Variants in RRN3 observed in about 807,000 individuals in gnomAD.
RRN3 encodes the protein RNA polymerase I transcription factor RRN3.
A neutral mutation model predicts 82.3 loss-of-function variants in RRN3; 38 were observed. That is an observed-to-expected ratio of 0.46 (90% CI 0.36 to 0.61). RRN3 has a LOEUF of 0.61. Ranked by LOEUF, RRN3 falls within the 20% of genes least tolerant of loss-of-function variation. The pLI is 0.00. For synonymous variants in RRN3, 284 were observed against 284.3 expected (o/e 1.00, Z 0.01); for missense variants, 726 against 793.1 (o/e 0.92, Z 1.02).
At chr16:15,084,991 G>C (rs1173662687) in intron 6 of RRN3, among the ~76,000 whole-genome samples, 1 of 149,992 alleles carries the variant, frequency 6.7e-6, no homozygotes, top group Non-Finnish European at 1.5e-5. Flanking sequence ...ACTTGAACCT[G>C]GGAGGTGAAG....
At chr16:15,088,006 C>T (rs1006315027) in intron 3 of RRN3, among the ~76,000 whole-genome samples, 1 of 151,888 alleles carries the variant, frequency 6.6e-6, no homozygotes. Flanking sequence ...CCCAGCTACT[C>T]GGGAGGCTGA....
At chr16:15,077,778 T>A (rs1266934884) in intron 9 of RRN3, among the ~76,000 whole-genome samples, 1 of 152,058 alleles carries the variant, frequency 6.6e-6, no homozygotes, top group Non-Finnish European at 1.5e-5. Context: ...GAGGTGGAGG[T>A]TGCAGTGAGC....
chr16:15,067,584 A>C (rs2045032049), intron 15 of RRN3, among the ~76,000 whole-genome samples: 1 of 149,868 alleles, frequency 6.7e-6, no homozygotes, highest in Non-Finnish European at 1.5e-5. Context: ...GTTTATTTCT[A>C]TTACTATTAC....
intron 9 of RRN3, among the ~76,000 whole-genome samples, chr16:15,077,153 A>AT (rs1162166195): frequency 6.6e-6 from 1 of 151,372 alleles, no homozygotes; most frequent in African/African-American, 2.4e-5. Flanking sequence ...CTAATTTTGT[A>AT]TTTTTAGTAG....
In RRN3 at chr16:15,092,505, T is replaced by G; in HGVS notation, c.195+4A>C. ...AGCAAACCTCACACATTATCTCCCC[T>G]TACCTTTTTGTACTTCAGCAAGACT... On this transcript the variant is annotated splice_donor_region_variant and intron_variant, in intron 2 of 17. Transcript: ENST00000198767. 1 of 1,597,322 alleles carries G rather than the reference T, an allele frequency of 6.3e-7. No homozygotes were observed.
At position 15,083,506 on chromosome 16, in the gene RRN3, T is replaced by A. The variant is rs921824754; in HGVS notation, c.666+7A>T. ...TCCATGATGTTCTCAATGAAAAGAT[T>A]TCTTACCAGTGTTCTCTCTGATTTT... is the stretch of plus-strand genomic sequence containing the variant. On this transcript the variant is annotated splice_region_variant and intron_variant, in intron 8 of 17. Coordinates refer to ENST00000198767, the MANE Select transcript of RRN3 (RefSeq NM_018427.5). 6.2e-7 allele frequency: 1 copy of A among 1,608,732 alleles called. No homozygotes were observed. The highest frequency in any genetic ancestry group is 1.3e-5 in the African/African-American group (1 of 74,650).
intron 9 of RRN3, among the ~76,000 whole-genome samples, chr16:15,079,642 G>C (rs1172464437): frequency 6.6e-6 from 1 of 151,418 alleles, no homozygotes; most frequent in African/African-American, 2.4e-5. Flanking sequence ...GCCCAGGCTG[G>C]AGTGCAGTGG....
rs1382709028 is a variant in RRN3, at chr16:15,061,560, C to A, written c.*184G>T. ...GTCTTCATTTTGTCTGTAAGGGGAA[C>A]AACAACAACAAAAAAACCCAGTCTT... is the stretch of plus-strand genomic sequence containing the variant. On this transcript the variant is annotated 3_prime_UTR_variant, in exon 18 of 18. Coordinates refer to ENST00000198767, the MANE Select transcript of RRN3 (RefSeq NM_018427.5). The A allele has an allele frequency of 1.2e-5, 6 of 484,216 alleles. No homozygotes were observed. Among genetic ancestry groups the A allele is most frequent in the Non-Finnish European group, 1.8e-5 (5 of 271,444 alleles). The allele number at this position is 484,216 out of a possible 1,614,324, so 30.0% of individuals were successfully genotyped here.
intron 10 of RRN3, 90 bp from the exon 11 acceptor site, chr16:15,074,951 A>C: frequency 7.6e-7 from 1 of 1,308,800 alleles, no homozygotes; most frequent in South Asian, 1.5e-5. Context: ...TATTTCCCTT[A>C]AAAGATAAAA....
chr16:15,078,752 G>A (rs1421078808), intron 9 of RRN3, among the ~76,000 whole-genome samples: 1 of 151,110 alleles, frequency 6.6e-6, no homozygotes, highest in East Asian at 1.9e-4. Context: ...CTGCCCACCA[G>A]CAACTGAACC....
At chr16:15,083,953 T>C (rs2151809721) in intron 7 of RRN3, among the ~76,000 whole-genome samples, 1 of 152,282 alleles carries the variant, frequency 6.6e-6, no homozygotes, top group East Asian at 1.9e-4. Flanking sequence ...CGACCTCAGG[T>C]GATCCGCCCG....
At chr16:15,090,273 T>C (rs541744676) in intron 3 of RRN3, among the ~76,000 whole-genome samples, 76 of 152,056 alleles carry the variant, frequency 5.0e-4, no homozygotes, top group Non-Finnish European at 1.0e-3. Context: ...TCAGGGTAAT[T>C]ACTACAGTGA....
intron 16 of RRN3, among the ~76,000 whole-genome samples, chr16:15,064,161 T>A (rs2044849508): frequency 6.6e-6 from 1 of 151,914 alleles, no homozygotes; most frequent in Non-Finnish European, 1.5e-5. Flanking sequence ...TCTAGATAAA[T>A]CGCTTTTTGT....
chr16:15,083,670 T>A, intron 7 of RRN3, 88 bp from the exon 8 acceptor site: 1 of 1,563,646 alleles, frequency 6.4e-7, no homozygotes, highest in Non-Finnish European at 8.7e-7. Flanking sequence ...AAAGCAAATA[T>A]TGATAGACAT....
chr16:15,076,290 C>G, intron 10 of RRN3: 1 of 594,280 alleles, frequency 1.7e-6, no homozygotes, highest in Non-Finnish European at 3.0e-6. Flanking sequence ...TCACAGACAG[C>G]ATCTGGCTTA....
At chr16:15,087,052 G>A (rs888475037) in intron 3 of RRN3, among the ~76,000 whole-genome samples, 2 of 152,118 alleles carry the variant, frequency 1.3e-5, no homozygotes, top group Non-Finnish European at 2.9e-5. Context: ...GAGAAGAACT[G>A]CTAAATTTGA....
rs558314650 is a variant in RRN3, at chr16:15,082,490, C to T, written c.666+1023G>A. On this transcript the variant is annotated intron_variant, in intron 8 of 17. Transcript: ENST00000198767. ...GAGTTCAAGACCAGTCTGGCCAACGCGGCAAAATCCCATCTCTACCAAAAA... is the reference window on the plus strand; with the variant it reads ...GAGTTCAAGACCAGTCTGGCCAACGTGGCAAAATCCCATCTCTACCAAAAA... Among the ~76,000 whole-genome samples, 11 of 152,022 alleles carry T rather than the reference C, an allele frequency of 7.2e-5. No individual in the cohort carries two copies. The South Asian group carries it at 8.4e-4, about 12-fold the overall frequency.
At chr16:15,090,916 G>A (rs2377184) in intron 3 of RRN3, among the ~76,000 whole-genome samples, 1 of 145,610 alleles carries the variant, frequency 6.9e-6, no homozygotes, top group Non-Finnish European at 1.5e-5. Context: ...AAAGAGACAA[G>A]AGAGTTGCAT....
chr16:15,094,058 T>G, intron 1 of RRN3, 87 bp downstream of exon 1: 3 of 1,223,914 alleles, frequency 2.5e-6, no homozygotes, highest in Non-Finnish European at 3.5e-6. Flanking sequence ...GCCATGAGCT[T>G]TGTCCCACAT....
Sources: allele counts gnomAD v4.1 joint callset (sites outside exome capture counted in the v4.1 genomes callset), GRCh38; gene constraint gnomAD v4.1.1; transcripts MANE v1.5; gene names NCBI Gene and HGNC (gene_info 2026-07-23, HGNC 2026-07-21).